DENND1A: variants seen among roughly 807,000 people sequenced by gnomAD.
The protein encoded by DENND1A is DENN domain-containing protein 1A.
A neutral mutation model predicts 113.7 loss-of-function variants in DENND1A; 51 were observed. The observed-to-expected ratio is 0.45, with a 90% CI of 0.36 to 0.57. The LOEUF is 0.57. Ranked by LOEUF, DENND1A falls within the 20% of genes least tolerant of loss-of-function variation. The pLI, the probability that DENND1A is intolerant of heterozygous loss-of-function variation, is 0.00. For missense variants in DENND1A, 1,258 were observed against 1,395.9 expected (o/e 0.90, Z 1.57); for synonymous variants, 565 against 570.8 (o/e 0.99, Z 0.14).
At chr9:123,442,342 G>A (rs2046990158) in intron 18 of DENND1A, among the ~76,000 whole-genome samples, 1 of 152,154 alleles carries the variant, frequency 6.6e-6, no homozygotes, top group Non-Finnish European at 1.5e-5. Context: ...GCTCAGTGAT[G>A]AAAGAGGCTG....
chr9:123,548,038 A>T (rs2056815114), intron 13 of DENND1A, among the ~76,000 whole-genome samples: 1 of 152,212 alleles, frequency 6.6e-6, no homozygotes, highest in Non-Finnish European at 1.5e-5. Context: ...TGGTGAAGTA[A>T]CTTCCAGAGT....
intron 11 of DENND1A, among the ~76,000 whole-genome samples, chr9:123,608,298 T>C (rs1449791264): frequency 6.6e-6 from 1 of 152,184 alleles, no homozygotes; most frequent in East Asian, 1.9e-4. Context: ...GTAAGCACAA[T>C]AGCACAGTGT....
chr9:123,823,125 ACAC>A (rs1414885090), intron 2 of DENND1A, among the ~76,000 whole-genome samples: 4 of 152,232 alleles, frequency 2.6e-5, no homozygotes, highest in Non-Finnish European at 5.9e-5. Context: ...AGTGAATAAA[ACAC>A]AGTCTATACC....
At chr9:123,618,342 GAGTTTTCTA>G (rs1382293282) in intron 10 of DENND1A, among the ~76,000 whole-genome samples, 1 of 152,190 alleles carries the variant, frequency 6.6e-6, no homozygotes, top group African/African-American at 2.4e-5. Context: ...AGAATGTCCA[GAGTTTTCTA>G]AGTGTTGGGT....
At chr9:123,693,811 T>C (rs2065326663) in intron 5 of DENND1A, among the ~76,000 whole-genome samples, 1 of 138,546 alleles carries the variant, frequency 7.2e-6, no homozygotes, top group Admixed American at 7.0e-5. Context: ...GCTATATTAT[T>C]ATTATTATTA....
intron 3 of DENND1A, among the ~76,000 whole-genome samples, chr9:123,779,084 G>C (rs576448298): frequency 6.6e-6 from 1 of 152,312 alleles, no homozygotes; most frequent in South Asian, 2.1e-4. Flanking sequence ...CTATAGGTAA[G>C]GTCCATGGGT....
intron 21 of DENND1A, among the ~76,000 whole-genome samples, chr9:123,389,926 T>G (rs2042754893): frequency 6.6e-6 from 1 of 152,192 alleles, no homozygotes; most frequent in African/African-American, 2.4e-5. Flanking sequence ...GTGTGTTGGC[T>G]CTACCTACCT....
Position 123,531,554 on chromosome 9 carries a change from TACACACACACACACACACACACACAC to T in DENND1A, c.993+25990_993+26015del, listed in dbSNP as rs57819030. ...ATCCTTCTCTTCCCCCCTCTCTCTC[TACACACACACACACACACACACACAC>T]ACACACACACACACACACACACAGA... On this transcript the variant is annotated intron_variant, in intron 13 of 23. Transcript: ENST00000394215. Among the ~76,000 whole-genome samples the T allele has an allele frequency of 4.0e-4, 41 of 103,192 alleles. No individual in the cohort carries two copies. In the East Asian group the frequency reaches 9.4e-3, roughly 24 times the overall value. 67.7% of individuals were successfully genotyped at this position (103,192 alleles called of 152,430 possible).
chr9:123,663,791 G>T (rs1243602190), intron 8 of DENND1A, among the ~76,000 whole-genome samples: 1 of 151,776 alleles, frequency 6.6e-6, no homozygotes, highest in Non-Finnish European at 1.5e-5. Context: ...AAGAAAAACA[G>T]ATATAAAGTG....
At chr9:123,697,719 C>T (rs960919002) in intron 5 of DENND1A, among the ~76,000 whole-genome samples, 1 of 152,164 alleles carries the variant, frequency 6.6e-6, no homozygotes, top group African/African-American at 2.4e-5. Flanking sequence ...CAGTGAGTTT[C>T]CAGGGTTCTT....
chr9:123,698,042 A>G (rs754506071), intron 5 of DENND1A, among the ~76,000 whole-genome samples: 7 of 152,228 alleles, frequency 4.6e-5, no homozygotes, highest in Non-Finnish European at 8.8e-5. Flanking sequence ...AAGGACCGAG[A>G]AGATTTAACT....
intron 13 of DENND1A, among the ~76,000 whole-genome samples, chr9:123,531,544 CCT>C (rs138320861): frequency 0.027 from 2,919 of 107,904 alleles, 58 homozygotes; most frequent in Middle Eastern, 0.055. Flanking sequence ...TCTCTTCCCC[CCT>C]CTCTCTCTAC....
intron 2 of DENND1A, among the ~76,000 whole-genome samples, chr9:123,835,233 A>G (rs948647431): frequency 3.3e-5 from 5 of 152,204 alleles, no homozygotes; most frequent in Non-Finnish European, 5.9e-5. Flanking sequence ...AATCCTAGCT[A>G]GATGAACGCC....
intron 8 of DENND1A, among the ~76,000 whole-genome samples, chr9:123,665,900 C>T (rs1198361396): frequency 6.6e-6 from 1 of 152,200 alleles, no homozygotes; most frequent in Non-Finnish European, 1.5e-5. Context: ...GTGACACATG[C>T]TTCAATGCAG....
At position 123,416,638 on chromosome 9, in the gene DENND1A, G is replaced by A. The variant is rs114551971; in HGVS notation, c.1489-4809C>T. On this transcript the variant is annotated intron_variant, in intron 19 of 23. Transcript: ENST00000394215. ...TCTTTTGCTAAGGAGAGTTCAATTC[G>A]ACAGTTCCTCCAGCACTTCCCGAGC... Among the ~76,000 whole-genome samples, 345 of 152,304 alleles carry A rather than the reference G, an allele frequency of 2.3e-3. 1 individual carries two copies. Among genetic ancestry groups the A allele is most frequent in the African/African-American group, 8.0e-3 (334 of 41,564 alleles).
chr9:123,858,226 C>G (rs1015015202), intron 2 of DENND1A, among the ~76,000 whole-genome samples: 2 of 152,170 alleles, frequency 1.3e-5, no homozygotes. Context: ...CACTTTGATA[C>G]CACATTGTGG....
At chr9:123,717,896 A>T (rs2067085560) in intron 5 of DENND1A, among the ~76,000 whole-genome samples, 1 of 152,182 alleles carries the variant, frequency 6.6e-6, no homozygotes, top group Non-Finnish European at 1.5e-5. Context: ...ATTTTTGCAA[A>T]GGAGCTACAA....
chr9:123,639,039 TAAAAAAAAAAAAAAAAAA>T (rs750972974), intron 9 of DENND1A, among the ~76,000 whole-genome samples: 1 of 32,122 alleles, frequency 3.1e-5, no homozygotes, highest in African/African-American at 1.2e-4. Context: ...GCATGAGTAG[TAAAAAAAAAAAAAAAAAA>T]AAAAAAAAAG....
intron 1 of DENND1A, among the ~76,000 whole-genome samples, chr9:123,904,244 T>C (rs1357008308): frequency 6.6e-6 from 1 of 151,634 alleles, no homozygotes; most frequent in African/African-American, 2.4e-5. Flanking sequence ...AGACCAAAAG[T>C]AGATAAAACC....
Sources: allele counts gnomAD v4.1 joint callset (sites outside exome capture counted in the v4.1 genomes callset), GRCh38; gene constraint gnomAD v4.1.1; transcripts MANE v1.5; gene names NCBI Gene and HGNC (gene_info 2026-07-23, HGNC 2026-07-21).